PPP4R3B: variants seen among roughly 807,000 people sequenced by gnomAD.
The protein encoded by PPP4R3B is protein phosphatase 4 regulatory subunit 3B, also known as serine/threonine-protein phosphatase 4 regulatory subunit 3B.
In PPP4R3B, 52 loss-of-function variants were observed where a neutral mutation model predicts 95.4. That is an observed-to-expected ratio of 0.54 (90% CI 0.44 to 0.69). The LOEUF is 0.69. Among genes scored for constraint, PPP4R3B ranks in the 30% least tolerant of loss-of-function variants. PPP4R3B has a pLI of 0.00. For synonymous variants in PPP4R3B, 407 were observed against 343.9 expected (o/e 1.18, Z -2.03); for missense variants, 1,003 against 1,005.9 (o/e 1.00, Z 0.04).
chr2:55,581,145 T>G (rs1689388553), intron 8 of PPP4R3B, among the ~76,000 whole-genome samples: 1 of 151,956 alleles, frequency 6.6e-6, no homozygotes, highest in Non-Finnish European at 1.5e-5. Context: ...CCCAGCTACT[T>G]GGGAGGCTGA....
intron 15 of PPP4R3B, among the ~76,000 whole-genome samples, chr2:55,560,864 A>G (rs1686517763): frequency 6.6e-6 from 1 of 150,456 alleles, no homozygotes; most frequent in African/African-American, 2.4e-5. Context: ...GAAGAAAGAG[A>G]TGGTCTGAAA....
intron 3 of PPP4R3B, among the ~76,000 whole-genome samples, chr2:55,600,935 G>A (rs1423137546): frequency 2.0e-5 from 3 of 152,084 alleles, no homozygotes; most frequent in Non-Finnish European, 4.4e-5. Context: ...GAGGCAGGCA[G>A]ATCACGAGCT....
In PPP4R3B at chr2:55,572,387, T is replaced by C. The variant is rs376956892; in HGVS notation, c.1765+1232A>G. Among the ~76,000 whole-genome samples the C allele has an allele frequency of 3.2e-4, 49 of 152,278 alleles. No homozygotes were observed. The East Asian group carries it at 5.4e-3, about 17-fold the overall frequency. ...CATTTTCTCCTCAAAACATGATAAA[T>C]TGTTAATATCTCTAATATACAAAAA... is the stretch of plus-strand genomic sequence containing the variant. On this transcript the variant is annotated intron_variant, in intron 12 of 16. Transcript: ENST00000616407.
chr2:55,617,133 G>T lies in PPP4R3B; in HGVS notation c.142+11C>A. The T allele has an allele frequency of 1.2e-6, 2 of 1,607,996 alleles. No individual in the cohort carries two copies. Among genetic ancestry groups the T allele is most frequent in the East Asian group, 2.2e-5 (1 of 44,794 alleles). On this transcript the variant is annotated intron_variant, in intron 1 of 16. Coordinates refer to ENST00000616407, the MANE Select transcript of PPP4R3B (RefSeq NM_001122964.3). ...GCACTATCCCCTATTCTACAGTTCC[G>T]ATAACCTTACCGTCGGACTCTGCCC...
chr2:55,581,908 A>T lies in PPP4R3B; in HGVS notation c.1234-210T>A, dbSNP rs192650240. Among the ~76,000 whole-genome samples, 490 of 151,646 alleles carry T rather than the reference A, an allele frequency of 3.2e-3. 4 individuals are homozygous for T. Among genetic ancestry groups the T allele is most frequent in the Middle Eastern group, 0.014 (4 of 294 alleles). On this transcript the variant is annotated intron_variant, in intron 7 of 16. Coordinates refer to ENST00000616407, the MANE Select transcript of PPP4R3B (RefSeq NM_001122964.3). The stretch of plus-strand genomic sequence containing the variant: ...GAAAAAAAATCCCACTCCGAGAAAA[A>T]AAAAAGAAGAAGGAGGAAAAAAAAC...
chr2:55,614,174 C>T (rs1209727538), intron 2 of PPP4R3B: 1 of 152,166 alleles, frequency 6.6e-6, no homozygotes, highest in African/African-American at 2.4e-5. Flanking sequence ...TAATAATAAG[C>T]TGCACAACAG....
At chr2:55,611,311 G>C (rs994444969) in intron 2 of PPP4R3B, among the ~76,000 whole-genome samples, 1 of 152,156 alleles carries the variant, frequency 6.6e-6, no homozygotes, top group Non-Finnish European at 1.5e-5. Context: ...ACAAGCACAC[G>C]CCACCACACC....
At chr2:55,587,255 T>C (rs182853836) in intron 5 of PPP4R3B, among the ~76,000 whole-genome samples, 74 of 152,354 alleles carry the variant, frequency 4.9e-4, no homozygotes, top group Non-Finnish European at 1.9e-4. Flanking sequence ...AAAATGTTTT[T>C]AAATGTAGGT....
At chr2:55,590,920 T>G (rs1690921946) in intron 4 of PPP4R3B, among the ~76,000 whole-genome samples, 1 of 152,184 alleles carries the variant, frequency 6.6e-6, no homozygotes, top group South Asian at 2.1e-4. Context: ...GCTCTTCTAC[T>G]AAAAATCAAT....
At chr2:55,581,245 C>G (rs1036517962) in intron 8 of PPP4R3B, among the ~76,000 whole-genome samples, 9 of 152,060 alleles carry the variant, frequency 5.9e-5, no homozygotes, top group Admixed American at 3.3e-4. Context: ...GAGCAAGACT[C>G]TGTCTCAAAA....
At chr2:55,577,145 G>A (rs3791654) in intron 11 of PPP4R3B, among the ~76,000 whole-genome samples, 170 bp downstream of exon 11, 33,574 of 151,814 alleles carry the variant, frequency 0.22, 3,813 homozygotes, top group East Asian at 0.3. Context: ...ATTCCAACTC[G>A]TTTTCTATTT....
intron 12 of PPP4R3B, among the ~76,000 whole-genome samples, chr2:55,572,407 C>A (rs922612844): frequency 6.6e-6 from 1 of 152,002 alleles, no homozygotes; most frequent in East Asian, 1.9e-4. Context: ...CTCTAATATA[C>A]AAAAAGCTCT....
At chr2:55,580,376 T>C (rs1689290802) in intron 8 of PPP4R3B, among the ~76,000 whole-genome samples, 2 of 152,154 alleles carry the variant, frequency 1.3e-5, no homozygotes, top group Admixed American at 6.5e-5. Context: ...GTATTGAGTT[T>C]TTCCCAAGAA....
At chr2:55,567,474 T>G (rs765957317) in intron 13 of PPP4R3B, among the ~76,000 whole-genome samples, 22 of 152,122 alleles carry the variant, frequency 1.4e-4, no homozygotes, top group Non-Finnish European at 3.2e-4. Context: ...TGGAATGAAG[T>G]GATGCAATCT....
intron 12 of PPP4R3B, among the ~76,000 whole-genome samples, chr2:55,571,839 G>A (rs1488363521): frequency 1.3e-5 from 2 of 152,118 alleles, no homozygotes; most frequent in Non-Finnish European, 1.5e-5. Context: ...GGCTGCTCTC[G>A]AACTCCTGAC....
At chr2:55,597,648 A>AAAC (rs1327578879) in intron 4 of PPP4R3B, among the ~76,000 whole-genome samples, 2 of 151,522 alleles carry the variant, frequency 1.3e-5, no homozygotes, top group African/African-American at 4.9e-5. Context: ...ACAAACAAAC[A>AAAC]AAACTAGCTC....
chr2:55,604,186 A>T, intron 2 of PPP4R3B, 110 bp from the exon 3 acceptor site: 1 of 658,318 alleles, frequency 1.5e-6, no homozygotes, highest in South Asian at 2.7e-5. Flanking sequence ...AAATGCCCCG[A>T]TATGAGTAAT....
At chr2:55,550,085 A>G (rs2103723749) in intron 16 of PPP4R3B, 79 bp from the exon 17 acceptor site, 1 of 871,348 alleles carries the variant, frequency 1.1e-6, no homozygotes, top group East Asian at 2.7e-5. Flanking sequence ...ATCACTTGTA[A>G]AAATATCAGA....
rs1351620702 is a variant in PPP4R3B at position 55,581,608 on chromosome 2, G to A, written c.1324C>T (p.Arg442Cys). Reference sequence around the variant, plus strand: ...ATGTTCTCTGGATCAATTAGAGTACGAAGAAGTCCCATTAACTGAACAGCG... The same window carrying A: ...ATGTTCTCTGGATCAATTAGAGTACAAAGAAGTCCCATTAACTGAACAGCG... ...GGAVQLMGLL[R>C]TLIDPENMLA... The change falls in exon 8 of 17, where the codon CGT becomes TGT. Residue 442 changes from arginine to cysteine, a missense_variant. Transcript: ENST00000616407. 4.3e-6 allele frequency: 7 copies of A among 1,613,398 alleles called. No homozygotes were observed. The highest frequency in any genetic ancestry group is 5.1e-6 in the Non-Finnish European group (6 of 1,179,732).
Sources: gnomAD v4.1 joint callset for allele counts (sites outside exome capture counted in the v4.1 genomes callset) on GRCh38, gnomAD v4.1.1 for gene constraint, MANE v1.5 for transcripts, NCBI Gene and HGNC (gene_info 2026-07-23, HGNC 2026-07-21) for gene names.